The following MYH13 variants were observed in gnomAD, a reference collection of about 807,000 sequenced individuals.
The protein encoded by MYH13 is myosin heavy chain 13.
In MYH13, 177 loss-of-function variants were observed where a neutral mutation model predicts 232.1. That is an observed-to-expected ratio of 0.76 (90% confidence interval 0.67 to 0.86). The LOEUF is 0.86. MYH13 is among the 40% of genes least tolerant of loss of function. MYH13 has a pLI of 0.00. For missense variants in MYH13, 2,246 were observed against 2,405.9 expected, an observed-to-expected ratio of 0.93 and a Z score of 1.39; for synonymous variants, 884 against 923.5, an observed-to-expected ratio of 0.96 and a Z score of 0.78.
In MYH13 at chr17:10,331,532, T is replaced by C. The variant is rs555078414; in HGVS notation, c.2298+567A>G. Reference sequence around the variant, plus strand: ...CAGTGAAGTACGTGCAGGAGGCTTCTCACAGGGCTGATACTCACGTGCTCA... The same window carrying C: ...CAGTGAAGTACGTGCAGGAGGCTTCCCACAGGGCTGATACTCACGTGCTCA... On this transcript the variant is annotated intron_variant, in intron 20 of 40. Transcript: ENST00000252172. Among the ~76,000 whole-genome samples the C allele has an allele frequency of 5.3e-5, 8 of 152,338 alleles. No individual in the cohort carries two copies. In the South Asian group the frequency reaches 1.5e-3, roughly 28 times the overall value.
At chr17:10,348,218 G>T (rs1272513306) in intron 12 of MYH13, among the ~76,000 whole-genome samples, 2 of 152,210 alleles carry the variant, frequency 1.3e-5, no homozygotes. Flanking sequence ...CTTGAAAGGG[G>T]TGATACATCC....
rs755344525 is a variant in MYH13, at chr17:10,327,938, G to A, written c.2619C>T (p.Arg873=). 5.0e-6 allele frequency: 8 copies of A among 1,613,644 alleles called. No individual in the cohort carries two copies. In the African/African-American group the frequency reaches 1.1e-4, roughly 22 times the overall value. ...CCATTTTCTCCTCCAGCTCCTTCCG[G>A]CGAGCCTCAGATCGGGCCAGTTCTT... ...TKEELARSEA[R]RKELEEKMVS... Residue 873 remains arginine (R), a synonymous_variant, in exon 22 of 41, where the codon CGC becomes CGT. Coordinates refer to ENST00000252172, the MANE Select transcript of MYH13 (RefSeq NM_003802.3).
At chr17:10,336,636 G>T (rs896836717) in intron 18 of MYH13, among the ~76,000 whole-genome samples, 3 of 152,236 alleles carry the variant, frequency 2.0e-5, no homozygotes, top group Middle Eastern at 3.4e-3. Flanking sequence ...CTCTCACAGG[G>T]CTCTTACACT....
intron 1 of MYH13, among the ~76,000 whole-genome samples, chr17:10,371,546 T>C (rs1355933397): frequency 1.3e-5 from 2 of 152,208 alleles, no homozygotes; most frequent in African/African-American, 2.4e-5. Context: ...AAGAGGAAAG[T>C]ACAGTATCTG....
intron 5 of MYH13, among the ~76,000 whole-genome samples, chr17:10,361,487 T>C (rs2071793042): frequency 6.6e-6 from 1 of 151,692 alleles, no homozygotes; most frequent in South Asian, 2.1e-4. Flanking sequence ...AGAGAGAGGG[T>C]TTCATCATGT....
In MYH13 at chr17:10,355,148, C is replaced by G. The variant is rs1369531113; in HGVS notation, c.739-1G>C. On this transcript the variant is annotated splice_acceptor_variant, in intron 8 of 40. Coordinates refer to ENST00000252172, the MANE Select transcript of MYH13 (RefSeq NM_003802.3). LOFTEE classifies it high-confidence loss of function. Reference sequence around the variant, plus strand: ...CAAAATGAATCCGAATGAACTTCCCCTGTCCAATAACAGGTGGACAAATGT... The same window carrying G: ...CAAAATGAATCCGAATGAACTTCCCGTGTCCAATAACAGGTGGACAAATGT... 2 of 1,571,744 alleles carry G rather than the reference C, an allele frequency of 1.3e-6. No homozygotes were observed. The highest frequency in any genetic ancestry group is 2.3e-5 in the South Asian group (2 of 86,024).
chr17:10,347,889 T>G (rs1433023895), intron 12 of MYH13, among the ~76,000 whole-genome samples: 1 of 151,922 alleles, frequency 6.6e-6, no homozygotes, highest in Non-Finnish European at 1.5e-5. Context: ...GGCTAATTTT[T>G]TTTTATTTTA....
Position 10,362,239 on chromosome 17 carries a change from G to A in MYH13, c.384C>T (p.Pro128=). Residue 128 remains proline, a synonymous_variant, in exon 5 of 41, where the codon CCC becomes CCT. Transcript: ENST00000252172. ...GCTTGTACACCGGCAGCCACTTGTAGGGGTTGACGGTGACACAGAAGAGGC... is the reference window on the plus strand; with the variant it reads ...GCTTGTACACCGGCAGCCACTTGTAAGGGTTGACGGTGACACAGAAGAGGC... ...YSGLFCVTVN[P]YKWLPVYKPE... 6.2e-7 allele frequency: 1 copy of A among 1,613,762 alleles called. No individual in the cohort carries two copies. Among genetic ancestry groups the A allele is most frequent in the East Asian group, 2.2e-5 (1 of 44,886 alleles).
At chr17:10,329,799 A>G (rs1038110183) in intron 21 of MYH13, among the ~76,000 whole-genome samples, 3 of 152,348 alleles carry the variant, frequency 2.0e-5, no homozygotes, top group African/African-American at 7.2e-5. Context: ...CCTGGCCAAC[A>G]TGGTGAAACC....
intron 19 of MYH13, 141 bp from the exon 20 acceptor site, chr17:10,332,363 C>T: frequency 8.8e-7 from 1 of 1,141,678 alleles, no homozygotes; most frequent in Non-Finnish European, 1.3e-6. Context: ...ATGGGAATAG[C>T]TAGGGACTGA....
intron 15 of MYH13, 83 bp from the exon 16 acceptor site, chr17:10,344,192 T>C: frequency 6.5e-7 from 1 of 1,533,130 alleles, no homozygotes; most frequent in Non-Finnish European, 8.8e-7. Context: ...CCTTCTTTGG[T>C]GCTTTCACTC....
At chr17:10,362,634 ATTTCCATGCCCCAAC>A in intron 3 of MYH13, 131 bp from the exon 4 acceptor site, 1 of 1,236,494 alleles carries the variant, frequency 8.1e-7, no homozygotes, top group Non-Finnish European at 1.2e-6. Context: ...TTCATGGATC[ATTTCCATGCCCCAAC>A]ATGATCCATA....
At chr17:10,303,832 T>A (rs1204050413) in intron 37 of MYH13, among the ~76,000 whole-genome samples, 1 of 152,232 alleles carries the variant, frequency 6.6e-6, no homozygotes, top group Non-Finnish European at 1.5e-5. Flanking sequence ...ATATGTTTAC[T>A]GAGGCACCGT....
intron 10 of MYH13, 42 bp downstream of exon 10, chr17:10,354,846 TCCCAACG>T: frequency 8.5e-7 from 1 of 1,180,770 alleles, no homozygotes; most frequent in Admixed American, 1.7e-5. Context: ...GTTTTTTTTT[TCCCAACG>T]TCACCGATTT....
chr17:10,362,627 A>C, intron 3 of MYH13, 124 bp from the exon 4 acceptor site: 13 of 1,304,070 alleles, frequency 1.0e-5, no homozygotes, highest in Admixed American at 1.9e-5. Flanking sequence ...GGATAATTTC[A>C]TGGATCATTT....
rs1019887837 is a variant in MYH13, at chr17:10,342,963, G to A, written c.1894+837C>T. Among the ~76,000 whole-genome samples, 6 of 151,932 alleles carry A rather than the reference G, an allele frequency of 3.9e-5. No individual in the cohort carries two copies. In the East Asian group the frequency reaches 7.9e-4, roughly 20 times the overall value. On this transcript the variant is annotated intron_variant, in intron 16 of 40. Coordinates refer to ENST00000252172, the MANE Select transcript of MYH13 (RefSeq NM_003802.3). ...AAATTAGCCGGGCGTGGTGGCGTGCGCCTGTAGTCCCAGCTACTTGGGAGG... is the reference window on the plus strand; with the variant it reads ...AAATTAGCCGGGCGTGGTGGCGTGCACCTGTAGTCCCAGCTACTTGGGAGG...
chr17:10,364,508 G>A lies in MYH13; in HGVS notation c.23C>T (p.Ala8Val). 4 of 1,601,296 alleles carry A rather than the reference G, an allele frequency of 2.5e-6. No homozygotes were observed. Among genetic ancestry groups the A allele is most frequent in the Non-Finnish European group, 3.4e-6 (4 of 1,173,196 alleles). ...GTAGGGAGCTGCTTCTCCAAAAATG[G>A]CCATTTCTGCGTCAGAGCTCATGAC... is the stretch of plus-strand genomic sequence containing the variant. MSSDAEM[A>V]IFGEAAPYLR... is the part of the protein sequence containing the mutation. The change falls in exon 3 of 41, where the codon GCC (alanine) becomes GTC (valine). Residue 8 changes from alanine (A) to valine (V), a missense_variant. Physicochemically the swap from Ala to Val is moderately conservative, Grantham distance 64 (BLOSUM62 0). Coordinates refer to ENST00000252172, the MANE Select transcript of MYH13 (RefSeq NM_003802.3).
intron 22 of MYH13, 54 bp downstream of exon 22, chr17:10,327,812 C>T: frequency 1.9e-6 from 3 of 1,582,114 alleles, no homozygotes; most frequent in Non-Finnish European, 2.6e-6. Context: ...TGTTCCTCCC[C>T]CTTTTCTGTC....
rs189029121 is a variant in MYH13 at position 10,333,204 on chromosome 17, C to T, written c.2057-13G>A. 406 of 1,524,564 alleles carry T rather than the reference C, an allele frequency of 2.7e-4. 2 individuals are homozygous for T. The highest frequency in any genetic ancestry group is 2.5e-4 in the East Asian group (10 of 40,724). The allele number at this position is 1,524,564 out of a possible 1,614,324, so 94.4% of individuals were successfully genotyped here. On this transcript the variant is annotated splice_polypyrimidine_tract_variant and intron_variant, in intron 18 of 40. Coordinates refer to ENST00000252172, the MANE Select transcript of MYH13 (RefSeq NM_003802.3). The stretch of plus-strand genomic sequence containing the variant: ...TGGTCCATCACACCTGGAGAGAGAA[C>T]GTCCCGGGGGTGTGCCTGTGACCCC...
Sources: gnomAD v4.1 joint callset for allele counts (sites outside exome capture counted in the v4.1 genomes callset) on GRCh38, gnomAD v4.1.1 for gene constraint, MANE v1.5 for transcripts, NCBI Gene and HGNC (gene_info 2026-07-23, HGNC 2026-07-21) for gene names.